The following TNIK variants were observed in gnomAD, a reference collection of about 807,000 sequenced individuals.
TNIK encodes the protein TRAF2 and NCK-interacting protein kinase.
A neutral mutation model predicts 191.3 loss-of-function variants in TNIK; 49 were observed. The ratio of observed to expected loss-of-function variants is 0.26; its 90% CI spans 0.20 to 0.32. The LOEUF (loss-of-function observed/expected upper bound fraction) is 0.32, where lower values mean the gene tolerates loss of function less well. Ranked by LOEUF, TNIK falls within the 10% of genes least tolerant of loss-of-function variation. TNIK has a pLI of 1.00. For missense variants in TNIK, 1,155 were observed against 1,702.3 expected (o/e 0.68, Z 5.66); for synonymous variants, 594 against 600.9 (o/e 0.99, Z 0.17).
chr3:171,378,415 A>G (rs1717559342), intron 1 of TNIK, among the ~76,000 whole-genome samples: 1 of 152,192 alleles, frequency 6.6e-6, no homozygotes, highest in Non-Finnish European at 1.5e-5. Flanking sequence ...GGTAGTACCC[A>G]CTTTGCTGGA....
At chr3:171,320,861 T>C (rs757253648) in intron 2 of TNIK, among the ~76,000 whole-genome samples, 1 of 152,164 alleles carries the variant, frequency 6.6e-6, no homozygotes, top group Non-Finnish European at 1.5e-5. Context: ...AGTTGGCTAT[T>C]AATAGTCCCA....
chr3:171,445,564 A>G (rs1727394129), intron 1 of TNIK, among the ~76,000 whole-genome samples: 1 of 152,146 alleles, frequency 6.6e-6, no homozygotes, highest in African/African-American at 2.4e-5. Flanking sequence ...GCAGGATAAC[A>G]TTTACTGAGA....
At chr3:171,418,705 T>G (rs777928116) in intron 1 of TNIK, among the ~76,000 whole-genome samples, 7 of 152,120 alleles carry the variant, frequency 4.6e-5, no homozygotes, top group Non-Finnish European at 1.0e-4. Flanking sequence ...TGGGAGATCA[T>G]AGCCAAATGT....
In TNIK at chr3:171,184,733, C is replaced by A. The variant is rs889433753; in HGVS notation, c.639+3969G>T. 3.7e-4 allele frequency among the ~76,000 whole-genome samples: 56 copies of A among 152,222 alleles called. 1 individual carries two copies. Among genetic ancestry groups the A allele is most frequent in the African/African-American group, 1.3e-3 (53 of 41,452 alleles). ...CTACCACTAGTTAGGTTGCTCACTT[C>A]ATTTCCAACTGAAACTCTTACTTAG... On this transcript the variant is annotated intron_variant, in intron 7 of 32. Transcript: ENST00000436636.
intron 1 of TNIK, among the ~76,000 whole-genome samples, chr3:171,442,654 G>A (rs991930849): frequency 1.3e-5 from 2 of 152,122 alleles, no homozygotes; most frequent in Non-Finnish European, 2.9e-5. Context: ...CCAGTGATGA[G>A]GACCTATAAT....
At chr3:171,439,653 T>C (rs1356295539) in intron 1 of TNIK, 3 of 152,202 alleles carry the variant, frequency 2.0e-5, no homozygotes, top group Non-Finnish European at 2.9e-5. Flanking sequence ...ATTATTATTA[T>C]ATAAATTACA....
intron 2 of TNIK, among the ~76,000 whole-genome samples, chr3:171,342,303 G>A (rs769174611): frequency 2.9e-4 from 44 of 152,166 alleles, no homozygotes; most frequent in Admixed American, 5.9e-4. Flanking sequence ...TGATGTTGGT[G>A]GTCCCAGGAA....
intron 1 of TNIK, among the ~76,000 whole-genome samples, chr3:171,443,968 C>G (rs1304278419): frequency 6.6e-6 from 1 of 152,160 alleles, no homozygotes; most frequent in Non-Finnish European, 1.5e-5. Context: ...TTTTTTATAT[C>G]TAGTCTGATG....
intron 2 of TNIK, among the ~76,000 whole-genome samples, chr3:171,321,706 T>A (rs1265095445): frequency 3.3e-5 from 5 of 152,198 alleles, no homozygotes; most frequent in African/African-American, 1.2e-4. Flanking sequence ...GATTTCAGAT[T>A]ACCAGATTAA....
intron 1 of TNIK, among the ~76,000 whole-genome samples, chr3:171,423,530 C>T (rs34978989): frequency 0.62 from 94,291 of 151,786 alleles, 30,605 homozygotes; most frequent in African/African-American, 0.76. Flanking sequence ...GCCAAGTCAA[C>T]CCTAAGCCAA....
chr3:171,423,190 G>A (rs1041852840), intron 1 of TNIK, among the ~76,000 whole-genome samples: 11 of 151,938 alleles, frequency 7.2e-5, no homozygotes, highest in East Asian at 3.9e-4. Context: ...CACCAATAAC[G>A]GACAAACAGA....
chr3:171,143,669 G>A (rs1046340662), intron 12 of TNIK, among the ~76,000 whole-genome samples: 3 of 152,120 alleles, frequency 2.0e-5, no homozygotes, highest in South Asian at 2.1e-4. Context: ...ATTGAAAGCC[G>A]TGTGTGGGCA....
At chr3:171,389,037 A>G (rs554902329) in intron 1 of TNIK, among the ~76,000 whole-genome samples, 1 of 152,300 alleles carries the variant, frequency 6.6e-6, no homozygotes, top group South Asian at 2.1e-4. Context: ...CATTTTCTGT[A>G]ATCCTGACAT....
intron 1 of TNIK, among the ~76,000 whole-genome samples, chr3:171,406,210 C>G (rs1721652378): frequency 6.6e-6 from 1 of 152,132 alleles, no homozygotes; most frequent in African/African-American, 2.4e-5. Flanking sequence ...GTGGTGGTCC[C>G]TGTTGCCAGC....
chr3:171,139,248 T>C (rs915476043), intron 14 of TNIK, among the ~76,000 whole-genome samples: 2 of 152,214 alleles, frequency 1.3e-5, no homozygotes, highest in African/African-American at 2.4e-5. Context: ...ATAACAACTG[T>C]ATTAAATATA....
chr3:171,314,399 C>T (rs555693849), intron 2 of TNIK, among the ~76,000 whole-genome samples: 3 of 152,118 alleles, frequency 2.0e-5, no homozygotes, highest in African/African-American at 4.8e-5. Flanking sequence ...TCCATGACAG[C>T]GAGACCAGAA....
intron 2 of TNIK, among the ~76,000 whole-genome samples, chr3:171,317,508 T>C (rs563263316): frequency 6.6e-6 from 1 of 152,294 alleles, no homozygotes; most frequent in South Asian, 2.1e-4. Context: ...GGAAGAAGTA[T>C]TCAGTCACTC....
At position 171,061,601 on chromosome 3, in the gene TNIK, A is replaced by G. The variant is rs994963785; in HGVS notation, c.*2280T>C. 1 of 152,254 alleles carries G rather than the reference A, an allele frequency of 6.6e-6. No homozygotes were observed. Among genetic ancestry groups the G allele is most frequent in the Non-Finnish European group, 1.5e-5 (1 of 68,048 alleles). 9.4% of individuals were successfully genotyped at this position (152,254 alleles called of 1,614,324 possible). On this transcript the variant is annotated 3_prime_UTR_variant, in exon 33 of 33. Coordinates refer to ENST00000436636, the MANE Select transcript of TNIK (RefSeq NM_015028.4). ...TGTTTCAAACTTATCACTTAGAAAT[A>G]AAAACAAAACAAAACATAAAAACAA...
intron 2 of TNIK, among the ~76,000 whole-genome samples, chr3:171,282,886 C>A (rs926245446): frequency 4.6e-5 from 7 of 152,106 alleles, no homozygotes; most frequent in Non-Finnish European, 8.8e-5. Context: ...CCTAATCTTA[C>A]AACAGACCTG....
Sources: allele counts gnomAD v4.1 joint callset (sites outside exome capture counted in the v4.1 genomes callset), GRCh38; gene constraint gnomAD v4.1.1; transcripts MANE v1.5; gene names NCBI Gene and HGNC (gene_info 2026-07-23, HGNC 2026-07-21).